The following FYB1 variants were observed in gnomAD, a reference collection of about 807,000 sequenced individuals.
The protein encoded by FYB1 is FYN binding protein 1.
FYB1 carries 41 observed loss-of-function variants against 94.1 expected under a neutral mutation model. That is an observed-to-expected ratio of 0.44 (90% CI 0.34 to 0.57). The LOEUF (loss-of-function observed/expected upper bound fraction) is 0.57, where lower values mean the gene tolerates loss of function less well. Among genes scored for constraint, FYB1 ranks in the 20% least tolerant of loss-of-function variants. The probability of loss-of-function intolerance (pLI) is 0.02; values close to 1 mark genes in which losing one functional copy is unlikely to be tolerated. For missense variants in FYB1, 1,050 were observed against 976.8 expected (o/e 1.07, Z -1.00); for synonymous variants, 367 against 353.2 (o/e 1.04, Z -0.44).
Position 39,107,422 on chromosome 5 carries a change from C to A in FYB1, c.*21G>T. On this transcript the variant is annotated 3_prime_UTR_variant, in exon 19 of 19. Transcript: ENST00000512982. ...TCACATTGGCACCTAATGAACACAG[C>A]AGAATGACCAAAGTTGAGTGCTAGT... The A allele has an allele frequency of 6.6e-7, 1 of 1,522,528 alleles. No individual in the cohort carries two copies. The highest frequency in any genetic ancestry group is 8.9e-7 in the Non-Finnish European group (1 of 1,129,742). The allele number at this position is 1,522,528 out of a possible 1,614,324, so 94.3% of individuals were successfully genotyped here.
Position 39,124,126 on chromosome 5 carries a change from C to T in FYB1, c.2071+127G>A, listed in dbSNP as rs73086923. ...TGACCACCCAAGGTAAAGTTACTTG[C>T]TCAAGGCTACACAATTTATTATTTT... On this transcript the variant is annotated intron_variant, in intron 13 of 18. Transcript: ENST00000512982. 283 of 676,882 alleles carry T rather than the reference C, an allele frequency of 4.2e-4. 2 individuals are homozygous for T. In the African/African-American group the frequency reaches 4.9e-3, roughly 12 times the overall value. The allele number at this position is 676,882 out of a possible 1,614,324, so 41.9% of individuals were successfully genotyped here.
At chr5:39,240,544 A>C (rs1751158524) in intron 1 of FYB1, among the ~76,000 whole-genome samples, 1 of 140,688 alleles carries the variant, frequency 7.1e-6, no homozygotes, top group African/African-American at 3.2e-5. Context: ...GAAGACATTC[A>C]TGCAGCCAAC....
chr5:39,232,908 TA>T (rs535443767), intron 1 of FYB1, among the ~76,000 whole-genome samples: 36 of 152,242 alleles, frequency 2.4e-4, no homozygotes, highest in African/African-American at 8.7e-4. Flanking sequence ...CATCATTTTT[TA>T]TGGCTGCATA....
At chr5:39,265,404 A>G (rs2111694582) in intron 1 of FYB1, among the ~76,000 whole-genome samples, 1 of 152,168 alleles carries the variant, frequency 6.6e-6, no homozygotes, top group East Asian at 1.9e-4. Context: ...GAATGGCGTG[A>G]ACCCGGGAGG....
chr5:39,121,039 A>G (rs1043268960), intron 14 of FYB1, among the ~76,000 whole-genome samples: 1 of 152,132 alleles, frequency 6.6e-6, no homozygotes, highest in African/African-American at 2.4e-5. Context: ...TAAACTCTGA[A>G]AATAAGCAAA....
At chr5:39,199,175 T>C (rs1748094777) in intron 2 of FYB1, among the ~76,000 whole-genome samples, 1 of 151,994 alleles carries the variant, frequency 6.6e-6, no homozygotes, top group Non-Finnish European at 1.5e-5. Context: ...AAAATAGAAT[T>C]TCAGAATTTT....
In FYB1 at chr5:39,127,059, C is replaced by CAA. The variant is rs200980181; in HGVS notation, c.1907+680_1907+681dup. 4.6e-3 allele frequency among the ~76,000 whole-genome samples: 349 copies of CAA among 75,900 alleles called. 1 individual carries two copies. The highest frequency in any genetic ancestry group is 0.011 in the East Asian group (40 of 3,510). The allele number at this position is 75,900 out of a possible 152,430, so 49.8% of individuals were successfully genotyped here. On this transcript the variant is annotated intron_variant, in intron 11 of 18. Transcript: ENST00000512982. The stretch of plus-strand genomic sequence containing the variant: ...GGCAACAAGAGCAAAACTCAGGTCT[C>CAA]AAAAAAAAAAAAAAAAAAAAAAAAG...
intron 7 of FYB1, 158 bp downstream of exon 7, chr5:39,137,432 ATAAAATGGTG>A: frequency 1.6e-6 from 1 of 636,494 alleles, no homozygotes; most frequent in Non-Finnish European, 2.5e-6. Context: ...TAGTTCAGGG[ATAAAATGGTG>A]TATTGGACAA....
intron 1 of FYB1, among the ~76,000 whole-genome samples, chr5:39,247,300 T>A (rs1751524373): frequency 1.3e-5 from 2 of 151,824 alleles, no homozygotes; most frequent in Middle Eastern, 6.9e-3. Context: ...ATTTTGTATA[T>A]CTTTACTTGG....
chr5:39,193,501 G>A (rs1747547519), intron 2 of FYB1, among the ~76,000 whole-genome samples: 1 of 152,194 alleles, frequency 6.6e-6, no homozygotes, highest in Admixed American at 6.5e-5. Context: ...GCTAAGGGAA[G>A]AAATAGAAGG....
chr5:39,207,210 A>G (rs970015420), intron 1 of FYB1, among the ~76,000 whole-genome samples: 8 of 152,190 alleles, frequency 5.3e-5, no homozygotes, highest in African/African-American at 1.9e-4. Flanking sequence ...TTCCAAAGCC[A>G]TTTGAAGCAA....
In FYB1 at chr5:39,114,751, T is replaced by C. The variant is rs78395332; in HGVS notation, c.2401+4123A>G. Among the ~76,000 whole-genome samples, 206 of 152,316 alleles carry C rather than the reference T, an allele frequency of 1.4e-3. 3 individuals are homozygous for C. Among genetic ancestry groups the C allele is most frequent in the African/African-American group, 4.7e-3 (195 of 41,584 alleles). ...TGAGTATCTGTATGTCAGACTTTCA[T>C]CTGGCTATCCAACTGCAGTTTCCAA... On this transcript the variant is annotated intron_variant, in intron 16 of 18. Transcript: ENST00000512982.
Position 39,127,900 on chromosome 5 carries a change from A to G in FYB1, c.1841-93T>C, listed in dbSNP as rs1045644832. 7.7e-6 allele frequency: 9 copies of G among 1,168,522 alleles called. 1 individual carries two copies. The Admixed American group carries it at 2.7e-4, about 35-fold the overall frequency. The allele number at this position is 1,168,522 out of a possible 1,614,324, so 72.4% of individuals were successfully genotyped here. A position where few individuals can be genotyped will look rare whatever the true frequency, so the allele number is the denominator to read the frequency against. ...TTTAATTGTAAATCTTCCTTATTTA[A>G]CTGCAGAGAGCATTTCACTTTCATG... is the stretch of plus-strand genomic sequence containing the variant. On this transcript the variant is annotated intron_variant, in intron 10 of 18. Coordinates refer to ENST00000512982, the MANE Select transcript of FYB1 (RefSeq NM_001465.6).
intron 1 of FYB1, among the ~76,000 whole-genome samples, chr5:39,257,806 TAA>T (rs71958401): frequency 3.9e-4 from 54 of 138,898 alleles, no homozygotes; most frequent in Non-Finnish European, 3.3e-4. Flanking sequence ...ATTTGGAGAC[TAA>T]AAAAAAAAAA....
At chr5:39,171,499 T>C (rs570293018) in intron 2 of FYB1, among the ~76,000 whole-genome samples, 1 of 152,298 alleles carries the variant, frequency 6.6e-6, no homozygotes, top group Non-Finnish European at 1.5e-5. Flanking sequence ...ATAAGCTCTC[T>C]AGGTGATTCT....
At chr5:39,267,641 A>G (rs1752488826) in intron 1 of FYB1, among the ~76,000 whole-genome samples, 3 of 152,218 alleles carry the variant, frequency 2.0e-5, no homozygotes, top group Admixed American at 2.0e-4. Context: ...AAGGGGAAGT[A>G]ACTTAATTTT....
chr5:39,146,377 T>C (rs1470550239), intron 3 of FYB1, among the ~76,000 whole-genome samples: 2 of 152,182 alleles, frequency 1.3e-5, no homozygotes, highest in African/African-American at 4.8e-5. Context: ...GCTTCAGGTT[T>C]CTCTTTTCAC....
At chr5:39,257,086 T>C (rs1208025323) in intron 1 of FYB1, among the ~76,000 whole-genome samples, 1 of 152,240 alleles carries the variant, frequency 6.6e-6, no homozygotes, top group African/African-American at 2.4e-5. Flanking sequence ...CATCTCCATG[T>C]CTTTTCACTT....
intron 1 of FYB1, among the ~76,000 whole-genome samples, chr5:39,217,849 G>A (rs898226776): frequency 6.6e-6 from 1 of 152,142 alleles, no homozygotes; most frequent in Non-Finnish European, 1.5e-5. Flanking sequence ...CTACATCCCT[G>A]ATCTCTCTCT....
Sources: allele counts gnomAD v4.1 joint callset (sites outside exome capture counted in the v4.1 genomes callset), GRCh38; gene constraint gnomAD v4.1.1; transcripts MANE v1.5; gene names NCBI Gene and HGNC (gene_info 2026-07-23, HGNC 2026-07-21).